POU2AF2: variants seen among roughly 807,000 people sequenced by gnomAD.
The protein encoded by POU2AF2 is POU domain class 2-associating factor 2.
At chr11:111,256,585 A>G in the POU2AF2 span, among the ~76,000 whole-genome samples, 1 of 152,230 alleles carries the variant, frequency 6.6e-6, no homozygotes. Context: ...GCCCTGGGAA[A>G]GTCATTTTAC....
the POU2AF2 span, among the ~76,000 whole-genome samples, chr11:111,265,191 AG>A: frequency 3.4e-3 from 518 of 152,194 alleles, 1 homozygote; most frequent in African/African-American, 0.012. Context: ...GTGAAAGAGA[AG>A]GTTGGGAGGC....
At chr11:111,279,105 C>T in the POU2AF2 span, among the ~76,000 whole-genome samples, 1 of 152,166 alleles carries the variant, frequency 6.6e-6, no homozygotes, top group African/African-American at 2.4e-5. Flanking sequence ...ACTTACTTTG[C>T]TCCAGGACAT....
At chr11:111,278,871 A>G in the POU2AF2 span, among the ~76,000 whole-genome samples, 10 of 152,248 alleles carry the variant, frequency 6.6e-5, no homozygotes, top group Non-Finnish European at 1.5e-4. Flanking sequence ...AAGTTCCTAA[A>G]GAAGAAATGG....
At chr11:111,252,112 G>A in the POU2AF2 span, among the ~76,000 whole-genome samples, 1 of 152,158 alleles carries the variant, frequency 6.6e-6, no homozygotes, top group African/African-American at 2.4e-5. Context: ...AATATACAAA[G>A]GATCCAGCCT....
the POU2AF2 span, among the ~76,000 whole-genome samples, chr11:111,266,482 A>G: frequency 6.6e-6 from 1 of 152,190 alleles, no homozygotes; most frequent in Non-Finnish European, 1.5e-5. Flanking sequence ...AATATAGGGA[A>G]TAGAAAAGAC....
At chr11:111,258,083 G>A in the POU2AF2 span, among the ~76,000 whole-genome samples, 7 of 152,016 alleles carry the variant, frequency 4.6e-5, no homozygotes, top group East Asian at 1.9e-4. Context: ...GTGACACTGC[G>A]CTCCAGCCTG....
chr11:111,262,789 T>A, the POU2AF2 span, among the ~76,000 whole-genome samples: 1 of 152,212 alleles, frequency 6.6e-6, no homozygotes, highest in Non-Finnish European at 1.5e-5. Context: ...GCTTATTTTT[T>A]TCAGATAAAT....
the POU2AF2 span, among the ~76,000 whole-genome samples, chr11:111,274,230 A>G: frequency 6.6e-6 from 1 of 152,278 alleles, no homozygotes; most frequent in East Asian, 1.9e-4. Context: ...AGCCCCATGC[A>G]GGCCCTTTAG....
the POU2AF2 span, among the ~76,000 whole-genome samples, chr11:111,264,580 G>A: frequency 3.8e-3 from 467 of 121,880 alleles, 65 homozygotes; most frequent in Middle Eastern, 8.1e-3. Context: ...AAGAAAGGGA[G>A]AGAGAAAGAC....
At chr11:111,285,673 G>A in the POU2AF2 span, 19 of 1,612,986 alleles carry the variant, frequency 1.2e-5, no homozygotes, top group South Asian at 1.3e-4. Flanking sequence ...GGGAGCAGAC[G>A]TTGCCTGACG....
At chr11:111,264,577 G>GAGAAA in the POU2AF2 span, among the ~76,000 whole-genome samples, 1 of 22,930 alleles carries the variant, frequency 4.4e-5, no homozygotes, top group Non-Finnish European at 9.1e-5. Flanking sequence ...AGAAAGAAAG[G>GAGAAA]GAGAGAGAAA....
the POU2AF2 span, among the ~76,000 whole-genome samples, chr11:111,253,615 T>G: frequency 1.3e-5 from 2 of 152,334 alleles, no homozygotes; most frequent in East Asian, 3.9e-4. Flanking sequence ...CTGACTGATC[T>G]TCCCGCAGCT....
At chr11:111,283,259 C>T in the POU2AF2 span, among the ~76,000 whole-genome samples, 1 of 151,900 alleles carries the variant, frequency 6.6e-6, no homozygotes, top group African/African-American at 2.4e-5. Flanking sequence ...CCATGTTGGC[C>T]AGGATGGTCT....
At chr11:111,261,338 A>G in the POU2AF2 span, among the ~76,000 whole-genome samples, 3 of 152,040 alleles carry the variant, frequency 2.0e-5, no homozygotes, top group South Asian at 2.1e-4. Flanking sequence ...CACTATTTCA[A>G]TTGAGTTCTA....
chr11:111,254,678 CT>C, the POU2AF2 span, among the ~76,000 whole-genome samples: 9 of 152,080 alleles, frequency 5.9e-5, no homozygotes, highest in Non-Finnish European at 8.8e-5. Context: ...TCCTTTCTTC[CT>C]TCCTTTCATT....
chr11:111,279,209 C>T, the POU2AF2 span, among the ~76,000 whole-genome samples: 1 of 152,170 alleles, frequency 6.6e-6, no homozygotes, highest in Non-Finnish European at 1.5e-5. Flanking sequence ...CAAGATGTGT[C>T]TCCCACCCCA....
the POU2AF2 span, among the ~76,000 whole-genome samples, chr11:111,255,262 G>A: frequency 1.8e-3 from 269 of 152,174 alleles, 3 homozygotes; most frequent in African/African-American, 5.9e-3. Context: ...TAATTTAGTC[G>A]CAGACCTCAG....
the POU2AF2 span, among the ~76,000 whole-genome samples, chr11:111,257,524 A>G: frequency 6.6e-6 from 1 of 151,828 alleles, no homozygotes; most frequent in Non-Finnish European, 1.5e-5. Context: ...GCCTGCCACC[A>G]CGCCCCACTA....
the POU2AF2 span, among the ~76,000 whole-genome samples, chr11:111,276,539 G>A: frequency 7.0e-6 from 1 of 143,860 alleles, no homozygotes; most frequent in African/African-American, 2.6e-5. Flanking sequence ...CTACTTGGGA[G>A]GCTGAGAGAG....
Sources: allele counts gnomAD v4.1 joint callset (sites outside exome capture counted in the v4.1 genomes callset), GRCh38; gene constraint gnomAD v4.1.1; transcripts MANE v1.5; gene names NCBI Gene and HGNC (gene_info 2026-07-23, HGNC 2026-07-21).